IGSF10: variants seen among roughly 807,000 people sequenced by gnomAD.
The protein encoded by IGSF10 is calvaria mechanical force protein 608.
Under a neutral mutation model 128.2 loss-of-function variants are expected in IGSF10, and 126 were observed. The observed-to-expected ratio is 0.98, with a 90% CI of 0.85 to 1.14. The LOEUF (loss-of-function observed/expected upper bound fraction) is 1.14, where lower values mean the gene tolerates loss of function less well. Ranked by LOEUF, IGSF10 falls within the 50% of genes most tolerant of loss-of-function variation. The probability of loss-of-function intolerance (pLI) is 0.00; values close to 1 mark genes in which losing one functional copy is unlikely to be tolerated. For synonymous variants in IGSF10, 1,185 were observed against 1,146.2 expected (o/e 1.03, Z -0.68); for missense variants, 3,295 against 3,149.8 (o/e 1.05, Z -1.10).
Position 151,438,193 on chromosome 3 carries a change from T to A in IGSF10, c.6368A>T (p.Asn2123Ile), listed in dbSNP as rs114334639. 2.5e-6 allele frequency: 4 copies of A among 1,614,202 alleles called. No homozygotes were observed. The highest frequency in any genetic ancestry group is 3.4e-6 in the Non-Finnish European group (4 of 1,180,022). Residue 2123 changes from asparagine (N) to isoleucine (I), a missense_variant, in exon 8 of 8, where the codon AAC becomes ATC. Coordinates refer to ENST00000282466, the MANE Select transcript of IGSF10 (RefSeq NM_178822.5). Reference sequence around the variant, plus strand: ...CTTCATTTCATCTTTCCCTAGGGTGTTCTGGGCATAGCAAGTATAATCTCC... The same window carrying A: ...CTTCATTTCATCTTTCCCTAGGGTGATCTGGGCATAGCAAGTATAATCTCC... ...EEGDYTCYAQ[N>I]TLGKDEMKVH...
In IGSF10 at chr3:151,443,403, C is replaced by A; in HGVS notation, c.5544G>T (p.Arg1848Ser). ...IAAPPVILEQ[R>S]RQVIVGTWGE... ...CCCAAGTGCCTACAATGACTTGCCT[C>A]CTTTGCTCTAGAATAACAGGTGGTG... Residue 1848 changes from arginine (R) to serine (S), a missense_variant, in exon 7 of 8, where the codon AGG becomes AGT. Transcript: ENST00000282466. 6.2e-7 allele frequency: 1 copy of A among 1,614,220 alleles called. No homozygotes were observed. Among genetic ancestry groups the A allele is most frequent in the Non-Finnish European group, 8.5e-7 (1 of 1,180,052 alleles).
chr3:151,471,014 A>G, the IGSF10 span, among the ~76,000 whole-genome samples: 80,363 of 151,956 alleles, frequency 0.53, 22,122 homozygotes, highest in African/African-American at 0.68. Flanking sequence ...TAATGATATG[A>G]TTTAGCTCTG....
chr3:151,434,956 G>A (rs553400887), downstream of IGSF10: 5 of 151,610 alleles, frequency 3.3e-5, no homozygotes, highest in Non-Finnish European at 7.4e-5. Context: ...CGATTCTATT[G>A]AAAGTTGAGG....
At chr3:151,613,131 A>G in the IGSF10 span, among the ~76,000 whole-genome samples, 2 of 152,196 alleles carry the variant, frequency 1.3e-5, no homozygotes, top group Non-Finnish European at 2.9e-5. Context: ...TCCAACTTAC[A>G]AGGGATGTGA....
At chr3:151,519,663 G>T in the IGSF10 span, among the ~76,000 whole-genome samples, 1 of 151,672 alleles carries the variant, frequency 6.6e-6, no homozygotes, top group Non-Finnish European at 1.5e-5. Flanking sequence ...TTTCTTTGAG[G>T]TATATAGTGT....
the IGSF10 span, among the ~76,000 whole-genome samples, chr3:151,571,999 T>C: frequency 6.6e-6 from 1 of 152,200 alleles, no homozygotes; most frequent in Non-Finnish European, 1.5e-5. Context: ...TGTCTTTGGT[T>C]CTGTTTATGT....
At chr3:151,579,172 T>C in the IGSF10 span, among the ~76,000 whole-genome samples, 3 of 152,178 alleles carry the variant, frequency 2.0e-5, no homozygotes, top group African/African-American at 7.2e-5. Context: ...TAGGGGTAAA[T>C]ATAGCACTAA....
At chr3:151,539,765 C>CATCTATCTGTCT in the IGSF10 span, among the ~76,000 whole-genome samples, 21 of 146,596 alleles carry the variant, frequency 1.4e-4, no homozygotes, top group African/African-American at 5.3e-4. Context: ...ATTTCAACAG[C>CATCTATCTGTCT]ATCTATCTAT....
the IGSF10 span, among the ~76,000 whole-genome samples, chr3:151,597,250 C>T: frequency 6.6e-6 from 1 of 152,184 alleles, no homozygotes; most frequent in Non-Finnish European, 1.5e-5. Flanking sequence ...GATTCTACTT[C>T]ACGGGTCTTA....
intron 7 of IGSF10, among the ~76,000 whole-genome samples, chr3:151,441,417 A>G (rs1043680590): frequency 1.3e-5 from 2 of 152,204 alleles, no homozygotes; most frequent in Admixed American, 1.3e-4. Flanking sequence ...ATTTCAATTT[A>G]ATTTAGGTGA....
At chr3:151,481,810 A>T in the IGSF10 span, among the ~76,000 whole-genome samples, 4 of 152,136 alleles carry the variant, frequency 2.6e-5, no homozygotes, top group South Asian at 8.3e-4. Flanking sequence ...ACTGTGAGGA[A>T]CTCTTAGCAA....
chr3:151,487,695 G>A, the IGSF10 span, among the ~76,000 whole-genome samples: 718 of 152,176 alleles, frequency 4.7e-3, 3 homozygotes, highest in Middle Eastern at 0.014. Flanking sequence ...ATCAATAAAC[G>A]TAATCCATCA....
At chr3:151,535,720 C>T in the IGSF10 span, among the ~76,000 whole-genome samples, 81 of 152,050 alleles carry the variant, frequency 5.3e-4, no homozygotes, top group African/African-American at 1.8e-3. Flanking sequence ...GGAAATCTTT[C>T]AATTCTAATT....
chr3:151,470,954 G>T, the IGSF10 span, among the ~76,000 whole-genome samples: 3 of 152,112 alleles, frequency 2.0e-5, no homozygotes, highest in African/African-American at 4.8e-5. Context: ...ACTTAACCCT[G>T]ATACTGTTAT....
At chr3:151,495,548 G>A in the IGSF10 span, among the ~76,000 whole-genome samples, 148 of 150,328 alleles carry the variant, frequency 9.8e-4, no homozygotes, top group Non-Finnish European at 1.6e-3. Flanking sequence ...AATTAAGAAC[G>A]ACAAATAACT....
At chr3:151,618,956 C>A in the IGSF10 span, among the ~76,000 whole-genome samples, 2 of 150,796 alleles carry the variant, frequency 1.3e-5, no homozygotes, top group Non-Finnish European at 3.0e-5. Flanking sequence ...CAAAGAAATA[C>A]AAATATTTAT....
the IGSF10 span, among the ~76,000 whole-genome samples, chr3:151,549,059 C>CT: frequency 6.6e-6 from 1 of 152,100 alleles, no homozygotes; most frequent in Non-Finnish European, 1.5e-5. Context: ...TGCATAGCCT[C>CT]TGTTGCATAA....
rs772428468 is a variant in IGSF10, at chr3:151,437,519, C to CTAT, written c.7039_7041dup (p.Ile2347dup). 6 of 1,614,176 alleles carry CTAT rather than the reference C, an allele frequency of 3.7e-6. No homozygotes were observed. The Admixed American group carries it at 8.3e-5, about 22-fold the overall frequency. On this transcript the variant is annotated inframe_insertion, in exon 8 of 8. Transcript: ENST00000282466. ...GCTGTGGACTTTCCCAGCTGGGCAA[C>CTAT]TATTTTTTCATTAAATGGATTTCTA...
At position 151,446,190 on chromosome 3, in the gene IGSF10, G is replaced by C. The variant is rs1721176682; in HGVS notation, c.3791C>G (p.Ser1264Cys). The C allele has an allele frequency of 3.7e-6, 6 of 1,614,052 alleles. No homozygotes were observed. Among genetic ancestry groups the C allele is most frequent in the Non-Finnish European group, 5.1e-6 (6 of 1,179,922 alleles). The change falls in exon 6 of 8, where the codon TCT becomes TGT. Residue 1264 changes from serine (S) to cysteine (C), a missense_variant. Coordinates refer to ENST00000282466, the MANE Select transcript of IGSF10 (RefSeq NM_178822.5). Reference sequence around the variant, plus strand: ...GTGGTGAGCGGTAGTCAAGGTATTAGATGGAATTTGCATCACACTTGTTGA... The same window carrying C: ...GTGGTGAGCGGTAGTCAAGGTATTACATGGAATTTGCATCACACTTGTTGA... ...TLSTSVMQIPSNTLTTAHHTT... is the reference protein window; with the variant it reads ...TLSTSVMQIPCNTLTTAHHTT...
Sources: gnomAD v4.1 joint callset for allele counts (sites outside exome capture counted in the v4.1 genomes callset) on GRCh38, gnomAD v4.1.1 for gene constraint, MANE v1.5 for transcripts, NCBI Gene and HGNC (gene_info 2026-07-23, HGNC 2026-07-21) for gene names.